NAV3: variants seen among roughly 807,000 people sequenced by gnomAD.
NAV3 encodes pore membrane and/or filament interacting like protein 1.
A neutral mutation model predicts 244.7 loss-of-function variants in NAV3; 87 were observed. The observed-to-expected ratio is 0.36, with a 90% CI of 0.30 to 0.42. The LOEUF is 0.42. NAV3 is among the 20% of genes least tolerant of loss of function. The pLI is 1.00. For synonymous variants in NAV3, 1,126 were observed against 1,042.2 expected (o/e 1.08, Z -1.55); for missense variants, 2,663 against 2,893.3 (o/e 0.92, Z 1.83).
chr12:78,128,459 T>G (rs1956020250), intron 17 of NAV3, among the ~76,000 whole-genome samples: 1 of 152,188 alleles, frequency 6.6e-6, no homozygotes, highest in Non-Finnish European at 1.5e-5. Flanking sequence ...TCATTGCTTA[T>G]GATTTCCAAC....
At chr12:77,630,509 G>A (rs1672670148) in intron 2 of NAV3, among the ~76,000 whole-genome samples, 1 of 152,050 alleles carries the variant, frequency 6.6e-6, no homozygotes. Flanking sequence ...CACCTGATAT[G>A]GTCAGCTTTG....
rs35593239 is a variant in NAV3, at chr12:77,699,789, C to CTT, written c.72+127537_72+127538dup. ...GTGAGCAAGGCCATGTCTGCATGAC[C>CTT]TTTTTTTTTTTTTTTAAATGAACAA... is the stretch of plus-strand genomic sequence containing the variant. On this transcript the variant is annotated intron_variant, in intron 2 of 8. Coordinates refer to the NAV3 transcript ENST00000550042. Among the ~76,000 whole-genome samples the CTT allele has an allele frequency of 6.5e-3, 930 of 143,514 alleles. 8 individuals carry two copies. Among genetic ancestry groups the CTT allele is most frequent in the Non-Finnish European group, 9.7e-3 (635 of 65,554 alleles). The allele number at this position is 143,514 out of a possible 152,430, so 94.2% of individuals were successfully genotyped here.
intron 9 of NAV3, among the ~76,000 whole-genome samples, chr12:78,037,615 C>T (rs991847037): frequency 3.3e-5 from 5 of 151,938 alleles, no homozygotes; most frequent in East Asian, 1.9e-4. Context: ...AAATAAATTC[C>T]GGAAATCTGC....
At chr12:77,949,031 A>G (rs1364584208) in intron 3 of NAV3, among the ~76,000 whole-genome samples, 8 of 152,040 alleles carry the variant, frequency 5.3e-5, no homozygotes, top group Admixed American at 3.3e-4. Context: ...TTATTTTAAT[A>G]TGAATTCAGT....
At chr12:77,861,560 G>T (rs1879260716) in intron 1 of NAV3, among the ~76,000 whole-genome samples, 1 of 151,832 alleles carries the variant, frequency 6.6e-6, no homozygotes, top group Non-Finnish European at 1.5e-5. Context: ...AATAACAAAT[G>T]AAATATGACC....
intron 1 of NAV3, among the ~76,000 whole-genome samples, chr12:77,845,872 C>T (rs1010713060): frequency 1.3e-5 from 2 of 152,060 alleles, no homozygotes; most frequent in African/African-American, 2.4e-5. Flanking sequence ...AGGCTGGTCT[C>T]GAACCCCTGA....
chr12:78,209,728 C>T (rs1350660734), intron 39 of NAV3, among the ~76,000 whole-genome samples: 1 of 152,180 alleles, frequency 6.6e-6, no homozygotes, highest in Admixed American at 6.5e-5. Context: ...GGCTGGGAAA[C>T]TTGAGACAGC....
intron 2 of NAV3, among the ~76,000 whole-genome samples, chr12:77,691,333 GTGTGTATA>G (rs1196480379): frequency 9.9e-6 from 1 of 100,944 alleles, no homozygotes; most frequent in African/African-American, 3.8e-5. Context: ...ATTTGTGTAT[GTGTGTATA>G]TATATATATA....
chr12:78,075,737 T>C (rs1953014612), intron 12 of NAV3, among the ~76,000 whole-genome samples: 1 of 152,198 alleles, frequency 6.6e-6, no homozygotes, highest in African/African-American at 2.4e-5. Flanking sequence ...TTGAAAGAAA[T>C]GTGCTTTAAG....
At chr12:78,085,983 C>A (rs1464595092) in intron 12 of NAV3, among the ~76,000 whole-genome samples, 1 of 152,044 alleles carries the variant, frequency 6.6e-6, no homozygotes, top group Non-Finnish European at 1.5e-5. Context: ...AAAGTACAAG[C>A]TCAGGAATGC....
upstream of NAV3, among the ~76,000 whole-genome samples, chr12:77,828,926 A>G (rs538901369): frequency 1.1e-3 from 170 of 152,276 alleles, no homozygotes; most frequent in South Asian, 7.3e-3. Flanking sequence ...GGAATTTTGT[A>G]CTAGTATAAT....
chr12:77,792,162 C>G (rs148612231), intron 2 of NAV3, among the ~76,000 whole-genome samples: 106 of 152,252 alleles, frequency 7.0e-4, no homozygotes, highest in African/African-American at 2.4e-3. Flanking sequence ...TTTTAAAAAA[C>G]TCTCTGGATT....
At chr12:77,954,880 A>T (rs1330513703) in intron 3 of NAV3, among the ~76,000 whole-genome samples, 2 of 152,200 alleles carry the variant, frequency 1.3e-5, no homozygotes, top group East Asian at 3.9e-4. Flanking sequence ...CTATGTATGT[A>T]CTGTGTGGTC....
Position 78,189,970 on chromosome 12 carries a change from G to T in NAV3, c.6056-14G>T, listed in dbSNP as rs1237003080. 3.5e-5 allele frequency: 56 copies of T among 1,579,810 alleles called. No homozygotes were observed. The Admixed American group carries it at 5.4e-4, about 15-fold the overall frequency. On this transcript the variant is annotated splice_polypyrimidine_tract_variant and intron_variant, in intron 33 of 39. Transcript: ENST00000397909. ...GAACAATAAATCATGCTATTTTTTT[G>T]TTTCTTCTTTCAGGGGTAGAAGAAA...
intron 2 of NAV3, among the ~76,000 whole-genome samples, chr12:77,735,085 TG>T (rs1342468204): frequency 6.6e-6 from 1 of 152,144 alleles, no homozygotes; most frequent in Non-Finnish European, 1.5e-5. Context: ...TACATAGTAT[TG>T]TGTTTGTACA....
chr12:77,772,438 A>C (rs1339920275), intron 2 of NAV3, among the ~76,000 whole-genome samples: 2 of 152,166 alleles, frequency 1.3e-5, no homozygotes, highest in Non-Finnish European at 2.9e-5. Flanking sequence ...CTTTTTTATG[A>C]ATATATATCT....
intron 23 of NAV3, among the ~76,000 whole-genome samples, chr12:78,159,992 C>A (rs1267924429): frequency 2.0e-5 from 3 of 152,098 alleles, no homozygotes; most frequent in African/African-American, 7.2e-5. Flanking sequence ...TAGGCTAAGA[C>A]ACACAGGAAG....
Position 77,929,798 on chromosome 12 carries a change from A to ATTT in NAV3, c.244-10501_244-10499dup, listed in dbSNP as rs10602394. Among the ~76,000 whole-genome samples, 799 of 105,958 alleles carry ATTT rather than the reference A, an allele frequency of 7.5e-3. 14 individuals carry two copies. The highest frequency in any genetic ancestry group is 0.017 in the Middle Eastern group (3 of 172). The allele number at this position is 105,958 out of a possible 152,430, so 69.5% of individuals were successfully genotyped here. On this transcript the variant is annotated intron_variant, in intron 1 of 39. Transcript: ENST00000397909. ...CAGGCACCCGCCACCACGGCCAGCT[A>ATTT]TTTTTTTTTTTTTTTTTTTTTTGTA...
intron 2 of NAV3, among the ~76,000 whole-genome samples, chr12:77,591,225 TA>T: frequency 6.6e-6 from 1 of 152,312 alleles, no homozygotes; most frequent in South Asian, 2.1e-4. Context: ...ACCTTATTTC[TA>T]AAAAAAGGTA....
Sources: allele counts gnomAD v4.1 joint callset (sites outside exome capture counted in the v4.1 genomes callset), GRCh38; gene constraint gnomAD v4.1.1; transcripts MANE v1.5; gene names NCBI Gene and HGNC (gene_info 2026-07-23, HGNC 2026-07-21).